Variants in PAN3 observed in about 807,000 individuals in gnomAD.
PAN3 encodes poly(A) specific ribonuclease subunit PAN3, also known as PAN2-PAN3 deadenylation complex subunit PAN3.
Under a neutral mutation model 96.2 loss-of-function variants are expected in PAN3, and 19 were observed. The ratio of observed to expected loss-of-function variants is 0.20; its 90% CI spans 0.14 to 0.29. The LOEUF is 0.29. Ranked by LOEUF, PAN3 falls within the 10% of genes least tolerant of loss-of-function variation. The pLI is 1.00. For missense variants in PAN3, 882 were observed against 1,108.1 expected, an observed-to-expected ratio of 0.80 and a Z score of 2.90; for synonymous variants, 433 against 406.6, an observed-to-expected ratio of 1.06 and a Z score of -0.78.
intron 15 of PAN3, among the ~76,000 whole-genome samples, chr13:28,278,676 GAATT>G (rs1386697808): frequency 2.0e-5 from 3 of 152,120 alleles, no homozygotes; most frequent in Admixed American, 6.5e-5. Context: ...TGCTTGATGT[GAATT>G]AATTTTTTTA....
At chr13:28,204,492 TG>T (rs1362659531) in intron 5 of PAN3, among the ~76,000 whole-genome samples, 1 of 152,208 alleles carries the variant, frequency 6.6e-6, no homozygotes, top group Non-Finnish European at 1.5e-5. Flanking sequence ...CTCCTAAAGT[TG>T]ATGTTTGTTT....
intron 1 of PAN3, among the ~76,000 whole-genome samples, chr13:28,156,802 G>C (rs1376092391): frequency 1.3e-5 from 2 of 152,030 alleles, no homozygotes; most frequent in East Asian, 3.9e-4. Context: ...AGACCAGCCT[G>C]TGTAACATGG....
chr13:28,230,804 A>G (rs1171374906), intron 6 of PAN3, among the ~76,000 whole-genome samples: 3 of 152,086 alleles, frequency 2.0e-5, no homozygotes, highest in Admixed American at 2.0e-4. Context: ...TCTTGTTTGT[A>G]AACAACACAA....
chr13:28,213,368 T>C (rs1047024537), intron 5 of PAN3, among the ~76,000 whole-genome samples: 1 of 152,154 alleles, frequency 6.6e-6, no homozygotes, highest in Non-Finnish European at 1.5e-5. Context: ...AAAACCACCG[T>C]AGTGATAGCT....
At chr13:28,263,805 A>G (rs1271835838) in intron 9 of PAN3, among the ~76,000 whole-genome samples, 1 of 152,252 alleles carries the variant, frequency 6.6e-6, no homozygotes, top group Non-Finnish European at 1.5e-5. Context: ...ACTTTAAAAA[A>G]TAAAAATTAA....
chr13:28,289,915 A>G (rs1566265720), intron 18 of PAN3, among the ~76,000 whole-genome samples: 1 of 152,216 alleles, frequency 6.6e-6, no homozygotes, highest in Non-Finnish European at 1.5e-5. Context: ...GGGAAAGACA[A>G]AATTTACAGA....
At chr13:28,239,428 CAT>C (rs1883438764) in intron 6 of PAN3, 1 of 342,504 alleles carries the variant, frequency 2.9e-6, no homozygotes, top group South Asian at 2.3e-5. Flanking sequence ...CTGCCCATGA[CAT>C]ATAGATGCCT....
chr13:28,288,456 T>C (rs558510058), intron 18 of PAN3, among the ~76,000 whole-genome samples: 2 of 152,214 alleles, frequency 1.3e-5, no homozygotes, highest in South Asian at 2.1e-4. Flanking sequence ...CCCATCACCA[T>C]GCGCAGCTAA....
rs1191997596 is a variant in PAN3 at position 28,295,108 on chromosome 13, C to G, written c.*2586C>G. ...CGTTGGTCATTTCAATATTTTGTAC[C>G]TGTTTTAAATTCTGTTAGTGTATTT... On this transcript the variant is annotated 3_prime_UTR_variant, in exon 19 of 19. Transcript: ENST00000380958. 2.6e-5 allele frequency: 4 copies of G among 152,110 alleles called. No homozygotes were observed. The highest frequency in any genetic ancestry group is 9.7e-5 in the African/African-American group (4 of 41,436). 9.4% of individuals were successfully genotyped at this position (152,110 alleles called of 1,614,324 possible).
At chr13:28,188,453 T>G (rs1157520825) in intron 4 of PAN3, among the ~76,000 whole-genome samples, 3 of 152,068 alleles carry the variant, frequency 2.0e-5, no homozygotes, top group African/African-American at 4.8e-5. Context: ...TTTAAACAGT[T>G]AATGGAGCAT....
At chr13:28,259,048 C>T (rs1428135450) in intron 7 of PAN3, among the ~76,000 whole-genome samples, 4 of 152,080 alleles carry the variant, frequency 2.6e-5, no homozygotes, top group Non-Finnish European at 5.9e-5. Context: ...GACTATGTGA[C>T]ATTTCTTCCA....
intron 6 of PAN3, among the ~76,000 whole-genome samples, chr13:28,254,923 C>G (rs914814278): frequency 1.3e-4 from 20 of 152,060 alleles, no homozygotes; most frequent in African/African-American, 4.6e-4. Context: ...ATTTACCTCA[C>G]CTACCTACTT....
rs1209613297 is a variant in PAN3, at chr13:28,215,220, C to T, written c.853-5011C>T. On this transcript the variant is annotated intron_variant, in intron 5 of 18. Coordinates refer to ENST00000380958, the MANE Select transcript of PAN3 (RefSeq NM_175854.8). The stretch of plus-strand genomic sequence containing the variant: ...ACTGCTTGAGGCTCTGGACTGCATC[C>T]TCCCACTAGCTTGTCCAACTGACAA... 8 of 709,478 alleles carry T rather than the reference C, an allele frequency of 1.1e-5. No individual in the cohort carries two copies. In the African/African-American group the frequency reaches 1.2e-4, roughly 11 times the overall value. 43.9% of individuals were successfully genotyped at this position (709,478 alleles called of 1,614,324 possible).
intron 1 of PAN3, among the ~76,000 whole-genome samples, chr13:28,151,089 G>A (rs1871304062): frequency 6.6e-6 from 1 of 152,198 alleles, no homozygotes; most frequent in Non-Finnish European, 1.5e-5. Flanking sequence ...AGCCAAGCCA[G>A]TCATCAGGAG....
intron 5 of PAN3, among the ~76,000 whole-genome samples, chr13:28,216,214 C>T (rs1336464060): frequency 6.7e-6 from 1 of 148,698 alleles, no homozygotes; most frequent in African/African-American, 2.5e-5. Context: ...AAAAAAAAGC[C>T]AGGTAAAAAA....
chr13:28,149,414 T>C (rs552793701), intron 1 of PAN3, among the ~76,000 whole-genome samples: 1 of 152,152 alleles, frequency 6.6e-6, no homozygotes, highest in Non-Finnish European at 1.5e-5. Flanking sequence ...ATACTTGAAA[T>C]ATTCATTCAT....
Position 28,197,298 on chromosome 13 carries a change from A to G in PAN3, c.804A>G (p.Val268=), listed in dbSNP as rs1878174802. 6.2e-7 allele frequency: 1 copy of G among 1,611,634 alleles called. No individual in the cohort carries two copies. Among genetic ancestry groups the G allele is most frequent in the Non-Finnish European group, 8.5e-7 (1 of 1,178,780 alleles). ...GCLADRCKSG[V]PINMVWWNRV... ...TTGCTGACAGGTGTAAATCAGGAGT[A>G]CCCATCAATATGGTTTGGTGGAACA... The change falls in exon 5 of 19, where the codon GTA becomes GTG. Residue 268 remains valine (V), a synonymous_variant. Coordinates refer to ENST00000380958, the MANE Select transcript of PAN3 (RefSeq NM_175854.8).
intron 5 of PAN3, chr13:28,215,350 C>T (rs1237244665): frequency 6.7e-6 from 5 of 751,648 alleles, no homozygotes; most frequent in African/African-American, 1.7e-5. Context: ...ATGGTGGTCA[C>T]CTTTGCTCCA....
intron 1 of PAN3, among the ~76,000 whole-genome samples, chr13:28,162,827 G>C (rs1047244641): frequency 1.3e-5 from 2 of 150,526 alleles, no homozygotes; most frequent in Admixed American, 1.3e-4. Flanking sequence ...GGGTGACAGA[G>C]GGAGACTTTT....
Sources: gnomAD v4.1 joint callset for allele counts (sites outside exome capture counted in the v4.1 genomes callset) on GRCh38, gnomAD v4.1.1 for gene constraint, MANE v1.5 for transcripts, NCBI Gene and HGNC (gene_info 2026-07-23, HGNC 2026-07-21) for gene names.